Variants in PTPRT observed in about 807,000 individuals in gnomAD.
PTPRT encodes the protein receptor-type tyrosine-protein phosphatase T.
In PTPRT, 56 loss-of-function variants were observed where a neutral mutation model predicts 176.8. The observed-to-expected ratio is 0.32, with a 90% CI of 0.26 to 0.40. The LOEUF is 0.40. Among genes scored for constraint, PTPRT ranks in the 10% least tolerant of loss-of-function variants. PTPRT has a pLI of 1.00. For synonymous variants in PTPRT, 783 were observed against 739.0 expected, an observed-to-expected ratio of 1.06 and a Z score of -0.96; for missense variants, 1,540 against 1,908.2, an observed-to-expected ratio of 0.81 and a Z score of 3.60.
chr20:42,472,632 T>A (rs2071219372), intron 7 of PTPRT, 70 bp from the exon 8 acceptor site: 1 of 1,491,678 alleles, frequency 6.7e-7, no homozygotes. Context: ...CATGTTCTGC[T>A]ACAACAGGGA....
intron 12 of PTPRT, among the ~76,000 whole-genome samples, chr20:42,314,147 T>C (rs2057678417): frequency 6.6e-6 from 1 of 152,160 alleles, no homozygotes; most frequent in Non-Finnish European, 1.5e-5. Context: ...CTCCCTTACA[T>C]TTCTATAAGC....
chr20:42,963,356 G>A (rs1023896033), intron 1 of PTPRT, among the ~76,000 whole-genome samples: 27 of 151,594 alleles, frequency 1.8e-4, no homozygotes, highest in South Asian at 2.1e-4. Context: ...CAGCCTGGGC[G>A]ACAGACCCAG....
chr20:43,026,238 C>T (rs1049869338), intron 1 of PTPRT, among the ~76,000 whole-genome samples: 1 of 152,182 alleles, frequency 6.6e-6, no homozygotes, highest in Non-Finnish European at 1.5e-5. Flanking sequence ...CTACCTCAGC[C>T]TCCCAAGTAG....
At chr20:42,099,020 G>A (rs1568927461) in intron 26 of PTPRT, among the ~76,000 whole-genome samples, 1 of 152,238 alleles carries the variant, frequency 6.6e-6, no homozygotes. Context: ...GTGAGGGGCT[G>A]AGTTGCCCTG....
chr20:42,440,243 C>G (rs2145830111), intron 9 of PTPRT, among the ~76,000 whole-genome samples: 1 of 152,138 alleles, frequency 6.6e-6, no homozygotes, highest in East Asian at 1.9e-4. Context: ...TTTAGCTTCA[C>G]AGCAAAATTG....
At chr20:42,218,704 T>C (rs1005420597) in intron 15 of PTPRT, among the ~76,000 whole-genome samples, 5 of 152,166 alleles carry the variant, frequency 3.3e-5, no homozygotes, top group Non-Finnish European at 7.3e-5. Flanking sequence ...ATTAGGAACA[T>C]ACAGTCTTAG....
chr20:42,562,143 T>C (rs1568978681), intron 7 of PTPRT, among the ~76,000 whole-genome samples: 2 of 152,324 alleles, frequency 1.3e-5, no homozygotes, highest in East Asian at 3.9e-4. Context: ...TTCAGTAAAA[T>C]AAACAAATCT....
At chr20:42,635,235 GA>G (rs2074569164) in intron 7 of PTPRT, among the ~76,000 whole-genome samples, 1 of 141,532 alleles carries the variant, frequency 7.1e-6, no homozygotes, top group African/African-American at 3.2e-5. Flanking sequence ...GAACTACATT[GA>G]AAACAAATGA....
At chr20:42,286,705 A>T (rs899911877) in intron 12 of PTPRT, among the ~76,000 whole-genome samples, 5 of 152,096 alleles carry the variant, frequency 3.3e-5, no homozygotes, top group African/African-American at 1.2e-4. Flanking sequence ...TATGAATAAG[A>T]CCTTAAACAT....
intron 7 of PTPRT, among the ~76,000 whole-genome samples, chr20:42,610,520 T>G (rs1417067598): frequency 1.3e-5 from 2 of 151,978 alleles, no homozygotes; most frequent in Non-Finnish European, 2.9e-5. Context: ...ATGCCTGACC[T>G]GAAATATGTA....
chr20:42,654,602 T>C (rs558993875), intron 7 of PTPRT, among the ~76,000 whole-genome samples: 1 of 152,206 alleles, frequency 6.6e-6, no homozygotes, highest in South Asian at 2.1e-4. Context: ...ATCCAGACAA[T>C]ACCAGCTTTG....
At chr20:42,286,545 A>C (rs778500372) in intron 12 of PTPRT, among the ~76,000 whole-genome samples, 1 of 151,966 alleles carries the variant, frequency 6.6e-6, no homozygotes, top group African/African-American at 2.4e-5. Context: ...GAAGAACGAA[A>C]CTAGACCGCC....
intron 1 of PTPRT, among the ~76,000 whole-genome samples, chr20:43,138,268 A>G (rs1672460292): frequency 6.6e-6 from 1 of 152,116 alleles, no homozygotes; most frequent in South Asian, 2.1e-4. Context: ...AAGCTCAGAA[A>G]CCCAAAGCTA....
intron 2 of PTPRT, among the ~76,000 whole-genome samples, chr20:42,872,468 T>C (rs896466149): frequency 2.6e-5 from 4 of 152,212 alleles, no homozygotes; most frequent in African/African-American, 9.6e-5. Context: ...AGGGATAGAT[T>C]GTACGTCAGG....
intron 9 of PTPRT, among the ~76,000 whole-genome samples, chr20:42,428,312 T>C (rs1356199021): frequency 3.3e-5 from 5 of 152,224 alleles, no homozygotes; most frequent in Non-Finnish European, 2.9e-5. Flanking sequence ...GTCATCCTGG[T>C]GGCCCAGGTT....
chr20:42,389,866 AAAAG>A (rs1555839179), intron 9 of PTPRT, among the ~76,000 whole-genome samples: 2 of 138,434 alleles, frequency 1.4e-5, no homozygotes, highest in Admixed American at 1.4e-4. Flanking sequence ...AAAAAAAAAA[AAAAG>A]AAAGAAAGCC....
intron 15 of PTPRT, among the ~76,000 whole-genome samples, chr20:42,217,984 C>G (rs1248918904): frequency 6.6e-6 from 1 of 152,194 alleles, no homozygotes; most frequent in African/African-American, 2.4e-5. Flanking sequence ...ATCCTAAACT[C>G]GTAAAACAGG....
At chr20:42,438,088 T>A (rs888206334) in intron 9 of PTPRT, among the ~76,000 whole-genome samples, 1 of 152,202 alleles carries the variant, frequency 6.6e-6, no homozygotes, top group Non-Finnish European at 1.5e-5. Flanking sequence ...CATGTGGCCA[T>A]GTGCACAGAA....
chr20:42,742,706 C>G (rs151333568), intron 6 of PTPRT, among the ~76,000 whole-genome samples: 2 of 152,174 alleles, frequency 1.3e-5, no homozygotes, highest in African/African-American at 4.8e-5. Context: ...CATTGTCACA[C>G]GAGTCTTTGA....
Sources: allele counts gnomAD v4.1 joint callset (sites outside exome capture counted in the v4.1 genomes callset), GRCh38; gene constraint gnomAD v4.1.1; transcripts MANE v1.5; gene names NCBI Gene and HGNC (gene_info 2026-07-23, HGNC 2026-07-21).